Variants in HRH2 observed in about 807,000 individuals in gnomAD.
HRH2 encodes the protein histamine H2 receptor.
HRH2 carries 4 observed loss-of-function variants against 20.1 expected under a neutral mutation model. The ratio of observed to expected loss-of-function variants is 0.20; its 90% CI spans 0.10 to 0.45. The LOEUF (loss-of-function observed/expected upper bound fraction) is 0.45, where lower values mean the gene tolerates loss of function less well. HRH2 is among the 20% of genes least tolerant of loss of function. The probability of loss-of-function intolerance (pLI) is 0.99; values close to 1 mark genes in which losing one functional copy is unlikely to be tolerated. For missense variants in HRH2, 250 were observed against 461.6 expected (o/e 0.54, Z 4.20); for synonymous variants, 197 against 200.7 (o/e 0.98, Z 0.16).
chr5:175,674,725 C>T (rs1396279076), intron 1 of HRH2, among the ~76,000 whole-genome samples: 2 of 152,152 alleles, frequency 1.3e-5, no homozygotes, highest in African/African-American at 4.8e-5. Context: ...CAAGTCATGC[C>T]TTTGCACCCC....
chr5:175,681,576 G>A lies in HRH2; in HGVS notation c.-525-1133G>A, dbSNP rs139740284. Among the ~76,000 whole-genome samples, 9 of 152,368 alleles carry A rather than the reference G, an allele frequency of 5.9e-5. No individual in the cohort carries two copies. Among genetic ancestry groups the A allele is most frequent in the Non-Finnish European group, 1.3e-4 (9 of 68,034 alleles). ...TGGAATCATATACAGCCACCACTGG[G>A]AGGGAGCCTTGGAGATTACCTAGTG... On this transcript the variant is annotated intron_variant, in intron 1 of 2. Coordinates refer to ENST00000636584, the MANE Select transcript of HRH2 (RefSeq NM_001367711.1). The surrounding 1 kb of genome is among the most constrained non-coding windows in gnomAD (Gnocchi z 4.3).
At position 175,677,442 on chromosome 5, in the gene HRH2, G is replaced by C. The variant is rs1382260735; in HGVS notation, c.-525-5267G>C. 1.3e-5 allele frequency among the ~76,000 whole-genome samples: 2 copies of C among 152,182 alleles called. No homozygotes were observed. Among genetic ancestry groups the C allele is most frequent in the East Asian group, 1.9e-4 (1 of 5,188 alleles). On this transcript the variant is annotated intron_variant, in intron 1 of 2. Transcript: ENST00000636584. This position sits in a 1 kb window ranked among gnomAD's most constrained non-coding sequence, Gnocchi z 4.2. ...TGAAGCTGTTCTGCCATGTTAAGTG[G>C]GAAGAAAGGGCTCCCTGGGAAGGCC...
At chr5:175,682,516 C>T (rs1338115841) in intron 1 of HRH2, among the ~76,000 whole-genome samples, 193 bp from the exon 2 acceptor site, 1 of 152,126 alleles carries the variant, frequency 6.6e-6, no homozygotes, top group Admixed American at 6.5e-5. Flanking sequence ...CCCCTTGCAT[C>T]CTGCCTCCCT....
chr5:175,697,448 G>C (rs970393569), intron 2 of HRH2, among the ~76,000 whole-genome samples: 1 of 141,164 alleles, frequency 7.1e-6, no homozygotes, highest in African/African-American at 2.8e-5. Context: ...GGGCGAAAGA[G>C]TGAGACTCCG....
intron 1 of HRH2, among the ~76,000 whole-genome samples, chr5:175,682,094 A>C (rs1344756556): frequency 6.6e-6 from 1 of 152,244 alleles, no homozygotes; most frequent in Non-Finnish European, 1.5e-5. Flanking sequence ...GAGTGCAGCC[A>C]CGCTCTTCTG....
rs1251186830 is a variant in HRH2, at chr5:175,681,430, A to G, written c.-525-1279A>G. On this transcript the variant is annotated intron_variant, in intron 1 of 2. Transcript: ENST00000636584. This position sits in a 1 kb window ranked among gnomAD's most constrained non-coding sequence, Gnocchi z 4.3. The stretch of plus-strand genomic sequence containing the variant: ...CTTGCTTCTGAGAGGGGGTTCCGCC[A>G]TCAACTCGATTTCTGCACACACTCA... 6.6e-6 allele frequency among the ~76,000 whole-genome samples: 1 copy of G among 152,180 alleles called. No individual in the cohort carries two copies. Among genetic ancestry groups the G allele is most frequent in the Admixed American group, 6.5e-5 (1 of 15,282 alleles).
At chr5:175,658,589 A>G (rs1762637585) in intron 1 of HRH2, among the ~76,000 whole-genome samples, 1 of 152,012 alleles carries the variant, frequency 6.6e-6, no homozygotes, top group East Asian at 1.9e-4. Flanking sequence ...TGTCTGTCGG[A>G]GCATGGAGCA....
intron 1 of HRH2, among the ~76,000 whole-genome samples, chr5:175,664,039 A>C (rs1762817399): frequency 6.6e-6 from 1 of 152,160 alleles, no homozygotes; most frequent in Admixed American, 6.5e-5. Flanking sequence ...GCTGGAGCCA[A>C]GTTGGTCACG....
At chr5:175,680,747 C>G (rs749141106) in intron 1 of HRH2, among the ~76,000 whole-genome samples, 2 of 152,058 alleles carry the variant, frequency 1.3e-5, no homozygotes, top group African/African-American at 2.4e-5. Flanking sequence ...CCCCTGCCCT[C>G]GAAAAAGGTG....
chr5:175,699,614 C>G (rs1258936909), intron 2 of HRH2, among the ~76,000 whole-genome samples: 1 of 152,180 alleles, frequency 6.6e-6, no homozygotes. Context: ...CACTCTGTTG[C>G]CCAGGCTGGA....
chr5:175,684,157 C>T lies in HRH2; in HGVS notation c.924C>T (p.Ala308=). ...AACAGCTCTTCTGCTGCAGGCTGGC[C>T]AACCGCAACTCCCACAAAACTTCTC... ...GYQQLFCCRL[A]NRNSHKTSLR... is the part of the protein sequence containing the mutation. The change falls in exon 2 of 3, where the codon GCC becomes GCT. Residue 308 remains alanine (A), a synonymous_variant. Transcript: ENST00000636584. The T allele has an allele frequency of 1.2e-6, 2 of 1,614,156 alleles. No individual in the cohort carries two copies. Among genetic ancestry groups the T allele is most frequent in the Non-Finnish European group, 1.7e-6 (2 of 1,180,028 alleles).
intron 1 of HRH2, among the ~76,000 whole-genome samples, chr5:175,667,588 C>T (rs184786400): frequency 6.6e-6 from 1 of 152,134 alleles, no homozygotes; most frequent in Admixed American, 6.5e-5. Flanking sequence ...GCTGTCCCCC[C>T]ACATCCCCTG....
intron 2 of HRH2, chr5:175,691,333 T>G (rs1756372576): frequency 6.6e-6 from 1 of 152,350 alleles, no homozygotes; most frequent in South Asian, 2.1e-4. Context: ...GGAGAATAAA[T>G]CGTGGCCCCC....
chr5:175,698,957 T>C (rs942979437), intron 2 of HRH2, among the ~76,000 whole-genome samples: 2 of 152,224 alleles, frequency 1.3e-5, no homozygotes, highest in African/African-American at 2.4e-5. Context: ...GAGCCCTGCC[T>C]TGAAGGGACA....
chr5:175,670,689 G>A (rs1337595965), intron 1 of HRH2, among the ~76,000 whole-genome samples: 1 of 152,208 alleles, frequency 6.6e-6, no homozygotes, highest in African/African-American at 2.4e-5. Flanking sequence ...GCAACCACCT[G>A]CCTGGGGCAG....
At chr5:175,696,441 C>T (rs1756580032) in intron 2 of HRH2, among the ~76,000 whole-genome samples, 1 of 152,202 alleles carries the variant, frequency 6.6e-6, no homozygotes, top group Admixed American at 6.5e-5. Context: ...GGCTCCACAA[C>T]TCACTGTGAG....
Position 175,696,792 on chromosome 5 carries a change from C to T in HRH2, c.1077-10987C>T, listed in dbSNP as rs1756600641. ...CTCTTCTAACCTCTCCTTGCCTTAA[C>T]TTCCCCTTCTATAAGACGGGGAGAA... On this transcript the variant is annotated intron_variant, in intron 2 of 2. Transcript: ENST00000636584. 2.6e-5 allele frequency among the ~76,000 whole-genome samples: 4 copies of T among 152,154 alleles called. No individual in the cohort carries two copies. In the South Asian group the frequency reaches 8.3e-4, roughly 31 times the overall value.
At chr5:175,679,731 C>A (rs912558001) in intron 1 of HRH2, among the ~76,000 whole-genome samples, 2 of 152,108 alleles carry the variant, frequency 1.3e-5, no homozygotes, top group Non-Finnish European at 2.9e-5. Context: ...ATAGGGGATG[C>A]AAAGGCAGAG....
chr5:175,662,331 C>T (rs1581401824), intron 1 of HRH2, among the ~76,000 whole-genome samples: 1 of 152,182 alleles, frequency 6.6e-6, no homozygotes, highest in Non-Finnish European at 1.5e-5. Flanking sequence ...ATTTTCACAA[C>T]TTGGGGAGGG....
Sources: allele counts gnomAD v4.1 joint callset (sites outside exome capture counted in the v4.1 genomes callset), GRCh38; gene constraint gnomAD v4.1.1; non-coding constraint Gnocchi (gnomAD v3.1); transcripts MANE v1.5; gene names NCBI Gene and HGNC (gene_info 2026-07-23, HGNC 2026-07-21).